MTIF3: variants seen among roughly 807,000 people sequenced by gnomAD.
MTIF3 encodes the protein mitochondrial translational initiation factor 3.
MTIF3 carries 13 observed loss-of-function variants against 20.7 expected under a neutral mutation model. The observed-to-expected ratio is 0.63, with a 90% CI of 0.41 to 1.00. The LOEUF is 1.00. MTIF3 is among the 50% of genes least tolerant of loss of function. The pLI is 0.00. For synonymous variants in MTIF3, 114 were observed against 112.5 expected, an observed-to-expected ratio of 1.01 and a Z score of -0.08; for missense variants, 295 against 324.5, an observed-to-expected ratio of 0.91 and a Z score of 0.70.
At chr13:27,449,583 C>T (rs1954292009) in intron 1 of MTIF3, among the ~76,000 whole-genome samples, 2 of 152,228 alleles carry the variant, frequency 1.3e-5, no homozygotes, top group South Asian at 2.1e-4. Flanking sequence ...TAAGCCAGTT[C>T]TCCCATCCCT....
At chr13:27,450,184 C>T (rs772012317) in intron 1 of MTIF3, 1 of 152,224 alleles carries the variant, frequency 6.6e-6, no homozygotes, top group Non-Finnish European at 1.5e-5. Context: ...AGAGACGGGA[C>T]GTAGCGACGT....
chr13:27,442,737 C>T (rs1027517292), intron 2 of MTIF3, among the ~76,000 whole-genome samples: 9 of 152,186 alleles, frequency 5.9e-5, no homozygotes, highest in African/African-American at 2.2e-4. Flanking sequence ...TGCTCAAACG[C>T]TACCTACTCA....
intron 4 of MTIF3, among the ~76,000 whole-genome samples, chr13:27,436,745 ATTTTTTTTT>A (rs66903644): frequency 8.9e-5 from 8 of 90,190 alleles, no homozygotes; most frequent in African/African-American, 1.9e-4. Context: ...ATTTTCTACA[ATTTTTTTTT>A]TTTTTTTTTT....
chr13:27,448,823 G>A (rs1426726204), intron 1 of MTIF3, among the ~76,000 whole-genome samples: 1 of 152,128 alleles, frequency 6.6e-6, no homozygotes, highest in Non-Finnish European at 1.5e-5. Flanking sequence ...CAGATCACTT[G>A]AGGTCAGAAG....
chr13:27,438,483 GTT>G (rs61052475), intron 3 of MTIF3, among the ~76,000 whole-genome samples: 1,242 of 107,044 alleles, frequency 0.012, 36 homozygotes, highest in African/African-American at 0.048. Context: ...GAGCAAGACT[GTT>G]TTTTTTTTTT....
chr13:27,436,133 A>G (rs1466200831), intron 4 of MTIF3, among the ~76,000 whole-genome samples: 2 of 152,238 alleles, frequency 1.3e-5, no homozygotes, highest in East Asian at 3.8e-4. Flanking sequence ...CATGGCACGA[A>G]GAGGCTACGT....
intron 4 of MTIF3, among the ~76,000 whole-genome samples, chr13:27,436,896 T>C (rs907677277): frequency 1.1e-4 from 17 of 151,976 alleles, no homozygotes; most frequent in Admixed American, 2.6e-4. Flanking sequence ...GGACTACAGG[T>C]GCCCGCCACC....
At chr13:27,450,420 G>A (rs1954330795) in intron 1 of MTIF3, 89 bp downstream of exon 1, 1 of 152,336 alleles carries the variant, frequency 6.6e-6, no homozygotes, top group South Asian at 2.1e-4. Context: ...TGACCTTCCG[G>A]GTGCCTCCTC....
Position 27,435,747 on chromosome 13 carries a change from T to TTGAGTTTCTTTATATGCCTTCTCC in MTIF3, c.741_764dup (p.Lys249_Glu256dup). The TTGAGTTTCTTTATATGCCTTCTCC allele has an allele frequency of 6.2e-7, 1 of 1,614,162 alleles. No individual in the cohort carries two copies. The highest frequency in any genetic ancestry group is 8.5e-7 in the Non-Finnish European group (1 of 1,179,990). ...TCAAAGTGTCTCTTTCCTGGGTCTC[T>TTGAGTTTCTTTATATGCCTTCTCC]TGAGTTTCTTTATATGCCTTCTCCT... is the stretch of plus-strand genomic sequence containing the variant. On this transcript the variant is annotated inframe_insertion, in exon 5 of 5. Coordinates refer to ENST00000381120, the MANE Select transcript of MTIF3 (RefSeq NM_152912.5).
At chr13:27,450,092 C>T (rs2138224316) in intron 1 of MTIF3, 1 of 152,434 alleles carries the variant, frequency 6.6e-6, no homozygotes, top group Admixed American at 6.5e-5. Flanking sequence ...CGCAAGAGCA[C>T]TTCCGGGAGC....
intron 2 of MTIF3, 24 bp from the exon 3 acceptor site, chr13:27,440,473 C>A (rs1787968833): frequency 1.3e-6 from 2 of 1,526,242 alleles, no homozygotes; most frequent in South Asian, 1.2e-5. Context: ...AAGAAGAGTT[C>A]ATTAAAATTC....
chr13:27,444,019 T>C (rs1954088388), intron 2 of MTIF3, among the ~76,000 whole-genome samples: 1 of 152,250 alleles, frequency 6.6e-6, no homozygotes, highest in Admixed American at 6.5e-5. Context: ...ACACTGGAAG[T>C]AGGGCCGGGT....
At chr13:27,438,509 T>TTTTTAA in intron 3 of MTIF3, among the ~76,000 whole-genome samples, 1 of 123,612 alleles carries the variant, frequency 8.1e-6, no homozygotes, top group Admixed American at 8.1e-5. Context: ...TTTTTTTTTT[T>TTTTTAA]AAACACAGGG....
intron 4 of MTIF3, 34 bp from the exon 5 acceptor site, chr13:27,435,927 A>C: frequency 6.5e-7 from 1 of 1,550,378 alleles, no homozygotes. Context: ...ATTAATTTAA[A>C]ATCAGAGGCT....
intron 2 of MTIF3, among the ~76,000 whole-genome samples, chr13:27,441,773 G>A (rs1954009303): frequency 6.6e-6 from 1 of 152,184 alleles, no homozygotes; most frequent in Non-Finnish European, 1.5e-5. Flanking sequence ...AGATGAAAGA[G>A]GAAAACAGAA....
At chr13:27,436,178 G>A (rs1953735005) in intron 4 of MTIF3, among the ~76,000 whole-genome samples, 1 of 152,128 alleles carries the variant, frequency 6.6e-6, no homozygotes, top group African/African-American at 2.4e-5. Flanking sequence ...CAAACAGAAA[G>A]CACTGGGTTT....
chr13:27,440,247 T>C lies in MTIF3; in HGVS notation c.202A>G (p.Thr68Ala). 1.9e-6 allele frequency: 3 copies of C among 1,614,238 alleles called. No individual in the cohort carries two copies. The highest frequency in any genetic ancestry group is 2.5e-6 in the Non-Finnish European group (3 of 1,180,038). ...CTAAAAGCTGTTTTATTCTTTTTTG[T>C]CTTTTTTCCTTCATTCTGGGTGTCT... ...AEDTQNEGKK[T>A]KKNKTAFSNV... The change falls in exon 3 of 5, where the codon ACA (threonine) becomes GCA (alanine). Residue 68 changes from threonine to alanine, a missense_variant. Thr to Ala is a moderately conservative substitution (Grantham distance 58). Transcript: ENST00000381120.
At chr13:27,448,826 G>A (rs1954261016) in intron 1 of MTIF3, among the ~76,000 whole-genome samples, 1 of 152,084 alleles carries the variant, frequency 6.6e-6, no homozygotes. Context: ...ATCACTTGAG[G>A]TCAGAAGTTC....
In MTIF3 at chr13:27,435,897, A is replaced by G; in HGVS notation, c.619-4T>C. On this transcript the variant is annotated splice_polypyrimidine_tract_variant and splice_region_variant and intron_variant, in intron 4 of 4. Transcript: ENST00000381120. ...GTATTTGATGAAATATCTCCTCCTA[A>G]AAAAGGGAAACAGCCAAAGATTAAT... The G allele has an allele frequency of 3.1e-6, 5 of 1,602,846 alleles. No homozygotes were observed. The highest frequency in any genetic ancestry group is 4.3e-6 in the Non-Finnish European group (5 of 1,171,732).
Sources: allele counts gnomAD v4.1 joint callset (sites outside exome capture counted in the v4.1 genomes callset), GRCh38; gene constraint gnomAD v4.1.1; transcripts MANE v1.5; gene names NCBI Gene and HGNC (gene_info 2026-07-23, HGNC 2026-07-21).